Variants in CYRIA observed in about 807,000 individuals in gnomAD.
CYRIA encodes CYFIP related Rac1 interactor A.
CYRIA carries 15 observed loss-of-function variants against 43.9 expected under a neutral mutation model. The ratio of observed to expected loss-of-function variants is 0.34; its 90% CI spans 0.23 to 0.53. CYRIA has a LOEUF of 0.53. Ranked by LOEUF, CYRIA falls within the 20% of genes least tolerant of loss-of-function variation. The probability of loss-of-function intolerance (pLI) is 0.94; values close to 1 mark genes in which losing one functional copy is unlikely to be tolerated. For synonymous variants in CYRIA, 117 were observed against 136.0 expected (o/e 0.86, Z 0.97); for missense variants, 236 against 394.2 (o/e 0.60, Z 3.40).
chr2:16,559,394 GA>G, intron 10 of CYRIA, 65 bp downstream of exon 10: 1 of 1,563,562 alleles, frequency 6.4e-7, no homozygotes, highest in Non-Finnish European at 8.6e-7. Flanking sequence ...GCCTGAGGAA[GA>G]AAAACAAGGT....
intron 1 of CYRIA, among the ~76,000 whole-genome samples, chr2:16,660,151 G>T (rs1015959794): frequency 2.6e-5 from 4 of 152,174 alleles, no homozygotes; most frequent in African/African-American, 7.2e-5. Flanking sequence ...GTCACTAGAG[G>T]AAATGAGTCC....
intron 1 of CYRIA, among the ~76,000 whole-genome samples, chr2:16,661,289 T>C (rs911507544): frequency 2.0e-5 from 3 of 151,974 alleles, no homozygotes; most frequent in Non-Finnish European, 4.4e-5. Flanking sequence ...AAAGAAAAAA[T>C]AAATAAACTG....
At chr2:16,632,680 C>T (rs140262363) in intron 1 of CYRIA, among the ~76,000 whole-genome samples, 11 of 152,206 alleles carry the variant, frequency 7.2e-5, no homozygotes, top group African/African-American at 2.6e-4. Context: ...TCTTGGGAAG[C>T]GGGAGAGAGT....
intron 3 of CYRIA, among the ~76,000 whole-genome samples, chr2:16,587,583 C>T (rs1421923590): frequency 6.6e-6 from 1 of 152,002 alleles, no homozygotes; most frequent in Non-Finnish European, 1.5e-5. Context: ...TGCATAGTGA[C>T]TGATATGATT....
intron 3 of CYRIA, among the ~76,000 whole-genome samples, chr2:16,571,964 C>T (rs772077976): frequency 4.6e-5 from 7 of 152,052 alleles, no homozygotes; most frequent in East Asian, 1.9e-4. Flanking sequence ...GTGACAGGGC[C>T]GGCATATTTA....
chr2:16,662,603 G>A (rs1460535097), intron 1 of CYRIA, among the ~76,000 whole-genome samples: 1 of 152,220 alleles, frequency 6.6e-6, no homozygotes, highest in Non-Finnish European at 1.5e-5. Context: ...TGGAACCGGA[G>A]ACTTCTACGA....
chr2:16,615,841 C>T (rs1286254934), intron 2 of CYRIA, among the ~76,000 whole-genome samples: 4 of 152,250 alleles, frequency 2.6e-5, no homozygotes, highest in African/African-American at 9.6e-5. Context: ...TGAACCGATA[C>T]CAGCAGCTCT....
At chr2:16,633,013 GA>G (rs1489403481) in intron 1 of CYRIA, among the ~76,000 whole-genome samples, 1 of 152,176 alleles carries the variant, frequency 6.6e-6, no homozygotes, top group Non-Finnish European at 1.5e-5. Context: ...ATAATGATAA[GA>G]TTCCCCACAG....
chr2:16,606,609 C>T (rs1437793234), intron 2 of CYRIA, among the ~76,000 whole-genome samples: 1 of 151,606 alleles, frequency 6.6e-6, no homozygotes, highest in East Asian at 1.9e-4. Context: ...GCTTTCATTC[C>T]ACAGGCAACT....
intron 1 of CYRIA, among the ~76,000 whole-genome samples, chr2:16,642,241 C>T (rs763017724): frequency 2.6e-5 from 4 of 152,156 alleles, no homozygotes; most frequent in Admixed American, 1.3e-4. Context: ...CAATGCCTAA[C>T]TCAAACTCAG....
intron 1 of CYRIA, among the ~76,000 whole-genome samples, chr2:16,651,355 C>A (rs898205426): frequency 6.6e-6 from 1 of 152,166 alleles, no homozygotes; most frequent in Non-Finnish European, 1.5e-5. Flanking sequence ...TAAACATATA[C>A]GTGTGCATGT....
intron 1 of CYRIA, among the ~76,000 whole-genome samples, chr2:16,664,223 G>A (rs1386292937): frequency 6.6e-6 from 1 of 152,096 alleles, no homozygotes; most frequent in Non-Finnish European, 1.5e-5. Context: ...AGGGAATGTG[G>A]GCAGGTCTGT....
chr2:16,560,947 TG>T lies in CYRIA; in HGVS notation c.710+42del, dbSNP rs566174109. ...CATCATCATCTTAACAGACACTGGCTGGGTGAAGTCTCAACCACGAATACAT... is the reference window on the plus strand; with the variant it reads ...CATCATCATCTTAACAGACACTGGCTGGTGAAGTCTCAACCACGAATACAT... On this transcript the variant is annotated intron_variant, in intron 9 of 11. Coordinates refer to ENST00000381323, the MANE Select transcript of CYRIA (RefSeq NM_030797.4). 199 of 1,531,314 alleles carry T rather than the reference TG, an allele frequency of 1.3e-4. No individual in the cohort carries two copies. In the African/African-American group the frequency reaches 2.4e-3, roughly 19 times the overall value. 94.9% of individuals were successfully genotyped at this position (1,531,314 alleles called of 1,614,324 possible).
intron 7 of CYRIA, 28 bp downstream of exon 7, chr2:16,561,428 C>G (rs1291018804): frequency 6.2e-7 from 1 of 1,607,228 alleles, no homozygotes. Context: ...GAGAAGGGTG[C>G]AAAGGTCAAG....
intron 1 of CYRIA, among the ~76,000 whole-genome samples, chr2:16,658,126 G>C (rs1419495899): frequency 6.6e-6 from 1 of 152,212 alleles, no homozygotes; most frequent in African/African-American, 2.4e-5. Flanking sequence ...AGTGCTTGAT[G>C]CTGATGAGAA....
At chr2:16,621,924 G>C (rs1286325045) in intron 2 of CYRIA, among the ~76,000 whole-genome samples, 5 of 152,018 alleles carry the variant, frequency 3.3e-5, no homozygotes, top group African/African-American at 4.8e-5. Context: ...CAAGCTCCTT[G>C]AGAACAGGAA....
At chr2:16,590,886 T>C (rs190621469) in intron 2 of CYRIA, among the ~76,000 whole-genome samples, 317 of 152,164 alleles carry the variant, frequency 2.1e-3, no homozygotes, top group Non-Finnish European at 3.6e-3. Context: ...CACTCCAAGG[T>C]TGATAAGAAT....
chr2:16,565,857 T>C (rs1461500984), intron 3 of CYRIA, 90 bp from the exon 4 acceptor site: 2 of 1,239,682 alleles, frequency 1.6e-6, no homozygotes, highest in East Asian at 5.2e-5. Flanking sequence ...TGCTTGACAA[T>C]CCTATCATAT....
chr2:16,580,797 A>G, intron 3 of CYRIA, among the ~76,000 whole-genome samples: 1 of 152,200 alleles, frequency 6.6e-6, no homozygotes, highest in African/African-American at 2.4e-5. Flanking sequence ...GTAATCAGAG[A>G]AAACAGAGAG....
Sources: gnomAD v4.1 joint callset for allele counts (sites outside exome capture counted in the v4.1 genomes callset) on GRCh38, gnomAD v4.1.1 for gene constraint, MANE v1.5 for transcripts, NCBI Gene and HGNC (gene_info 2026-07-23, HGNC 2026-07-21) for gene names.